The following MAN2A1 variants were observed in gnomAD, a reference collection of about 807,000 sequenced individuals.
MAN2A1 encodes the protein alpha-mannosidase 2.
A neutral mutation model predicts 142.6 loss-of-function variants in MAN2A1; 76 were observed. The ratio of observed to expected loss-of-function variants is 0.53; its 90% confidence interval spans 0.44 to 0.65. The LOEUF (loss-of-function observed/expected upper bound fraction) is 0.65. Ranked by LOEUF, MAN2A1 falls within the 30% of genes least tolerant of loss-of-function variation. MAN2A1 has a pLI of 0.00. For missense variants in MAN2A1, 1,311 were observed against 1,365.1 expected, an observed-to-expected ratio of 0.96 and a Z score of 0.62; for synonymous variants, 559 against 473.2, an observed-to-expected ratio of 1.18 and a Z score of -2.35.
At chr5:109,866,287 C>T (rs991325099) in intron 21 of MAN2A1, among the ~76,000 whole-genome samples, 18 of 152,032 alleles carry the variant, frequency 1.2e-4, no homozygotes, top group Admixed American at 7.2e-4. Flanking sequence ...AACATGGCAG[C>T]GGTGAGGGAA....
At chr5:109,721,959 C>T (rs913204489) in intron 3 of MAN2A1, among the ~76,000 whole-genome samples, 1 of 152,154 alleles carries the variant, frequency 6.6e-6, no homozygotes, top group African/African-American at 2.4e-5. Context: ...AACTTCATGA[C>T]AGAGTCTGTA....
intron 4 of MAN2A1, among the ~76,000 whole-genome samples, chr5:109,732,684 A>G (rs1303871159): frequency 6.6e-6 from 1 of 152,118 alleles, no homozygotes; most frequent in Non-Finnish European, 1.5e-5. Flanking sequence ...GATATGTGGC[A>G]TTATTTCTGA....
intron 7 of MAN2A1, among the ~76,000 whole-genome samples, chr5:109,772,334 A>C (rs954205535): frequency 1.3e-5 from 2 of 152,194 alleles, no homozygotes; most frequent in Admixed American, 1.3e-4. Context: ...TCTCCACTGC[A>C]CTCCAGCCTG....
intron 21 of MAN2A1, chr5:109,865,436 T>C: frequency 2.8e-6 from 1 of 355,124 alleles, no homozygotes; most frequent in Non-Finnish European, 5.3e-6. Context: ...TTGCTCCCAG[T>C]CCCCCAGTTT....
chr5:109,822,579 G>A (rs1374960968), intron 15 of MAN2A1, among the ~76,000 whole-genome samples: 7 of 152,010 alleles, frequency 4.6e-5, no homozygotes, highest in African/African-American at 1.7e-4. Flanking sequence ...TGGTAATTAG[G>A]TACAAGAAAT....
intron 16 of MAN2A1, among the ~76,000 whole-genome samples, chr5:109,828,835 G>A (rs1754829525): frequency 6.6e-6 from 1 of 152,148 alleles, no homozygotes; most frequent in African/African-American, 2.4e-5. Flanking sequence ...AAGTATGGAA[G>A]GAAAGACTTT....
intron 13 of MAN2A1, among the ~76,000 whole-genome samples, chr5:109,818,402 G>T (rs554407827): frequency 3.3e-5 from 5 of 152,144 alleles, no homozygotes; most frequent in African/African-American, 1.2e-4. Flanking sequence ...TCTTAAATAT[G>T]CATCATCTTT....
intron 19 of MAN2A1, 79 bp downstream of exon 19, chr5:109,847,869 T>C (rs1755382508): frequency 9.0e-7 from 1 of 1,108,380 alleles, no homozygotes; most frequent in South Asian, 2.9e-5. Context: ...TTTCCACTTT[T>C]AAAATTTTAA....
chr5:109,766,037 T>C (rs1057426531), intron 5 of MAN2A1, among the ~76,000 whole-genome samples: 2 of 152,144 alleles, frequency 1.3e-5, no homozygotes, highest in African/African-American at 4.8e-5. Context: ...TGAGGTTTTA[T>C]TGCATCTAGG....
chr5:109,829,750 T>C (rs917409933), intron 16 of MAN2A1, among the ~76,000 whole-genome samples: 5 of 152,194 alleles, frequency 3.3e-5, no homozygotes, highest in African/African-American at 4.8e-5. Flanking sequence ...TTGGCACCCA[T>C]TGAGTGGAAA....
chr5:109,800,697 G>T (rs575065541), intron 12 of MAN2A1, among the ~76,000 whole-genome samples: 1 of 152,128 alleles, frequency 6.6e-6, no homozygotes, highest in Non-Finnish European at 1.5e-5. Flanking sequence ...TAAATTCTGG[G>T]ATTTTAACTT....
intron 7 of MAN2A1, 27 bp from the exon 8 acceptor site, chr5:109,774,761 G>GT (rs748828413): frequency 1.5e-5 from 23 of 1,573,214 alleles, no homozygotes; most frequent in East Asian, 6.9e-5. Context: ...CATATTTGCT[G>GT]TTTTTTTGTG....
chr5:109,825,139 G>A (rs1283859068), intron 16 of MAN2A1, among the ~76,000 whole-genome samples: 2 of 152,152 alleles, frequency 1.3e-5, no homozygotes, highest in African/African-American at 4.8e-5. Context: ...CTTCTGGTAA[G>A]TCAGAAACTG....
Position 109,716,156 on chromosome 5 carries a change from C to T in MAN2A1, c.427C>T (p.Pro143Ser). The T allele has an allele frequency of 6.2e-7, 1 of 1,611,094 alleles. No individual in the cohort carries two copies. The highest frequency in any genetic ancestry group is 8.5e-7 in the Non-Finnish European group (1 of 1,178,006). The change falls in exon 3 of 22, where the codon CCA becomes TCA. Residue 143 changes from proline to serine, a missense_variant. This residue lies in a region of MAN2A1 where 409 missense variants were observed against 412.7 expected (regional missense o/e 0.99). Transcript: ENST00000261483. Reference protein sequence around the residue: ...DVYSLISFDNPDGGVWKQGFD... With the variant: ...DVYSLISFDNSDGGVWKQGFD... ...TTACAGTCTAATTTCTTTTGACAAT[C>T]CAGATGGTGGAGTTTGGAAGCAAGG...
intron 16 of MAN2A1, among the ~76,000 whole-genome samples, chr5:109,827,002 T>C (rs983374175): frequency 1.6e-4 from 24 of 152,216 alleles, no homozygotes; most frequent in African/African-American, 5.3e-4. Flanking sequence ...ACAAAAAATA[T>C]TTATTCTTGA....
intron 1 of MAN2A1, among the ~76,000 whole-genome samples, chr5:109,693,187 C>T (rs1750721606): frequency 1.4e-5 from 1 of 71,568 alleles, no homozygotes; most frequent in African/African-American, 4.1e-5. Flanking sequence ...AGATTTATAC[C>T]CTTCCCAGAA....
intron 17 of MAN2A1, among the ~76,000 whole-genome samples, chr5:109,842,943 C>G (rs1352303218): frequency 6.6e-6 from 1 of 151,728 alleles, no homozygotes; most frequent in African/African-American, 2.4e-5. Context: ...GTAGCTGGCA[C>G]TACAGGCGCA....
At chr5:109,751,929 C>T (rs1330347582) in intron 4 of MAN2A1, among the ~76,000 whole-genome samples, 1 of 151,932 alleles carries the variant, frequency 6.6e-6, no homozygotes, top group South Asian at 2.1e-4. Flanking sequence ...TTTTAATTGG[C>T]CCCTTTTCTT....
At chr5:109,737,993 TGTGTGC>T (rs1752154151) in intron 4 of MAN2A1, among the ~76,000 whole-genome samples, 1 of 152,122 alleles carries the variant, frequency 6.6e-6, no homozygotes, top group South Asian at 2.1e-4. Context: ...ATGTTTGAGG[TGTGTGC>T]GTGTGCTTTG....
Sources: allele counts gnomAD v4.1 joint callset (sites outside exome capture counted in the v4.1 genomes callset), GRCh38; gene constraint gnomAD v4.1.1; regional missense constraint gnomAD v4.1.1; transcripts MANE v1.5; gene names NCBI Gene and HGNC (gene_info 2026-07-23, HGNC 2026-07-21).